Variants in ACSBG1 observed in about 807,000 individuals in gnomAD.
The protein encoded by ACSBG1 is long-chain-fatty-acid--CoA ligase ACSBG1.
In ACSBG1, 39 loss-of-function variants were observed where a neutral mutation model predicts 80.2. The ratio of observed to expected loss-of-function variants is 0.49; its 90% confidence interval spans 0.38 to 0.64. The LOEUF is 0.64. Among genes scored for constraint, ACSBG1 ranks in the 30% least tolerant of loss-of-function variants. ACSBG1 has a pLI of 0.00. For synonymous variants in ACSBG1, 392 were observed against 379.5 expected, an observed-to-expected ratio of 1.03 and a Z score of -0.38; for missense variants, 828 against 966.4, an observed-to-expected ratio of 0.86 and a Z score of 1.90.
At chr15:78,232,767 T>C (rs2056306) in intron 1 of ACSBG1, among the ~76,000 whole-genome samples, 148,574 of 151,658 alleles carry the variant, frequency 0.98, 72,792 homozygotes, top group East Asian at 1. Context: ...TCACTGCAAT[T>C]TCCACCTCCC....
At chr15:78,211,459 A>G (rs1273121192) in intron 1 of ACSBG1, among the ~76,000 whole-genome samples, 1 of 152,246 alleles carries the variant, frequency 6.6e-6, no homozygotes, top group Non-Finnish European at 1.5e-5. Flanking sequence ...GAGGAAGAAG[A>G]GCTTACAAGG....
chr15:78,231,857 A>G (rs57729539), intron 1 of ACSBG1, among the ~76,000 whole-genome samples: 30,693 of 152,198 alleles, frequency 0.2, 3,226 homozygotes, highest in Middle Eastern at 0.26. Flanking sequence ...CTAAAGTGCT[A>G]GAATTACAGG....
At chr15:78,182,965 A>T in intron 5 of ACSBG1, 180 bp from the exon 6 acceptor site, 2 of 661,326 alleles carry the variant, frequency 3.0e-6, no homozygotes, top group East Asian at 5.5e-5. Context: ...AGAACTTGGG[A>T]GCAGTAAAGG....
intron 2 of ACSBG1, among the ~76,000 whole-genome samples, chr15:78,201,227 G>A (rs1205977386): frequency 2.0e-5 from 3 of 152,226 alleles, no homozygotes; most frequent in African/African-American, 4.8e-5. Flanking sequence ...GCCTCCAGCA[G>A]AGGCCAGGGG....
chr15:78,186,411 C>A (rs549937127), intron 5 of ACSBG1, among the ~76,000 whole-genome samples: 1 of 152,170 alleles, frequency 6.6e-6, no homozygotes, highest in Non-Finnish European at 1.5e-5. Context: ...CAAAACTGAC[C>A]ACGTAGTTGG....
At chr15:78,200,334 G>A (rs1453321982) in intron 2 of ACSBG1, among the ~76,000 whole-genome samples, 1 of 152,056 alleles carries the variant, frequency 6.6e-6, no homozygotes. Context: ...AGGGTGACAA[G>A]GCCTCCTGGC....
chr15:78,197,754 A>AC (rs765336473), intron 2 of ACSBG1, among the ~76,000 whole-genome samples: 50 of 140,360 alleles, frequency 3.6e-4, no homozygotes, highest in South Asian at 3.4e-3. Context: ...TAGAATGTTG[A>AC]CCCCCCACAA....
rs76981277 is a variant in ACSBG1 at position 78,233,443 on chromosome 15, G to C, written c.131+928C>G. Among the ~76,000 whole-genome samples the C allele has an allele frequency of 9.0e-3, 1,363 of 152,254 alleles. 22 individuals are homozygous for C. Among genetic ancestry groups the C allele is most frequent in the African/African-American group, 0.031 (1,275 of 41,544 alleles). ...CTGGCAATTCCTCCCCATTACTACA[G>C]AGGACTTGGACCCTGGTATTTAGCC... On this transcript the variant is annotated intron_variant, in intron 1 of 13. Coordinates refer to ENST00000258873, the MANE Select transcript of ACSBG1 (RefSeq NM_015162.5).
intron 2 of ACSBG1, among the ~76,000 whole-genome samples, chr15:78,195,921 C>G (rs2075109863): frequency 6.6e-6 from 1 of 152,170 alleles, no homozygotes; most frequent in African/African-American, 2.4e-5. Flanking sequence ...TGTTCCTCCT[C>G]TTTGACACTC....
intron 1 of ACSBG1, among the ~76,000 whole-genome samples, chr15:78,228,072 CTTAT>C (rs2075418215): frequency 6.6e-6 from 1 of 152,200 alleles, no homozygotes; most frequent in South Asian, 2.1e-4. Context: ...CATCTAAATT[CTTAT>C]TTTACAGCTG....
intron 13 of ACSBG1, 146 bp from the exon 14 acceptor site, chr15:78,171,675 G>A: frequency 1.6e-6 from 1 of 635,264 alleles, no homozygotes; most frequent in Non-Finnish European, 2.8e-6. Flanking sequence ...CTCCAAGACA[G>A]TGATCGCTCC....
chr15:78,233,703 C>G (rs1041108384), intron 1 of ACSBG1, among the ~76,000 whole-genome samples: 1 of 151,940 alleles, frequency 6.6e-6, no homozygotes, highest in African/African-American at 2.4e-5. Context: ...TGTGCGTGTG[C>G]GCGTGCGCCT....
At chr15:78,179,001 A>C in intron 10 of ACSBG1, 170 bp from the exon 11 acceptor site, 1 of 653,074 alleles carries the variant, frequency 1.5e-6, no homozygotes, top group Non-Finnish European at 2.6e-6. Flanking sequence ...GAGCCAAGTA[A>C]AGGGTTTTAG....
intron 13 of ACSBG1, among the ~76,000 whole-genome samples, chr15:78,173,381 C>T (rs1256645401): frequency 1.4e-5 from 2 of 145,922 alleles, no homozygotes; most frequent in Non-Finnish European, 3.0e-5. Flanking sequence ...GAAGTTCTAG[C>T]ACATATCTTA....
chr15:78,217,225 C>A (rs1017083272), intron 1 of ACSBG1, among the ~76,000 whole-genome samples: 1 of 152,216 alleles, frequency 6.6e-6, no homozygotes. Flanking sequence ...ACCAGCACTG[C>A]GTCTCAGACA....
intron 3 of ACSBG1, 95 bp from the exon 4 acceptor site, chr15:78,194,115 C>T: frequency 8.2e-7 from 1 of 1,213,588 alleles, no homozygotes; most frequent in Non-Finnish European, 1.2e-6. Context: ...AGGGGACCTG[C>T]AGGCTCCACC....
At chr15:78,196,201 G>A (rs564875672) in intron 2 of ACSBG1, among the ~76,000 whole-genome samples, 2 of 152,324 alleles carry the variant, frequency 1.3e-5, no homozygotes, top group African/African-American at 4.8e-5. Context: ...GAGCCTTCAG[G>A]TAGTGGCGTG....
At chr15:78,207,925 A>ACCCCCCACCCCCCCCCC in intron 2 of ACSBG1, 77 bp downstream of exon 2, 2 of 454,978 alleles carry the variant, frequency 4.4e-6, no homozygotes, top group Non-Finnish European at 8.6e-6. Flanking sequence ...GGTCCCCCAC[A>ACCCCCCACCCCCCCCCC]CCACCCACCC....
chr15:78,230,977 A>G (rs937010470), intron 1 of ACSBG1, among the ~76,000 whole-genome samples: 18 of 152,148 alleles, frequency 1.2e-4, no homozygotes, highest in Admixed American at 4.6e-4. Context: ...TTATTTATCT[A>G]GTTTTTGAGA....
Sources: allele counts gnomAD v4.1 joint callset (sites outside exome capture counted in the v4.1 genomes callset), GRCh38; gene constraint gnomAD v4.1.1; transcripts MANE v1.5; gene names NCBI Gene and HGNC (gene_info 2026-07-23, HGNC 2026-07-21).